MYO3A: variants seen among roughly 807,000 people sequenced by gnomAD.
MYO3A encodes the protein myosin-IIIa.
A neutral mutation model predicts 192.7 loss-of-function variants in MYO3A; 180 were observed. That is an observed-to-expected ratio of 0.93 (90% CI 0.83 to 1.06). MYO3A has a LOEUF of 1.06. MYO3A is among the 50% of genes least tolerant of loss of function. The pLI is 0.00. For missense variants in MYO3A, 1,896 were observed against 1,905.0 expected (o/e 1.00, Z 0.09); for synonymous variants, 628 against 645.3 (o/e 0.97, Z 0.41).
At chr10:26,182,490 GA>G (rs1463683486) in intron 31 of MYO3A, among the ~76,000 whole-genome samples, 1 of 152,018 alleles carries the variant, frequency 6.6e-6, no homozygotes, top group African/African-American at 2.4e-5. Flanking sequence ...CGGAGGGAAA[GA>G]AAAAAACAAA....
intron 14 of MYO3A, among the ~76,000 whole-genome samples, chr10:26,082,546 C>T (rs182527668): frequency 6.6e-6 from 1 of 152,282 alleles, no homozygotes; most frequent in African/African-American, 2.4e-5. Flanking sequence ...ACTTACCCCA[C>T]AGGGGATATG....
chr10:26,212,009 C>T lies in MYO3A; in HGVS notation c.*46C>T. On this transcript the variant is annotated 3_prime_UTR_variant, in exon 35 of 35. Transcript: ENST00000642920. ...CGCCGTCGGAAGGCGCTGGAGCCTG[C>T]GGGGCAGCAGGGGCCAAGCAGGCAC... 2 of 1,597,734 alleles carry T rather than the reference C, an allele frequency of 1.3e-6. No homozygotes were observed. Among genetic ancestry groups the T allele is most frequent in the Non-Finnish European group, 1.7e-6 (2 of 1,169,242 alleles).
intron 15 of MYO3A, among the ~76,000 whole-genome samples, chr10:26,091,001 A>G (rs116034592): frequency 6.6e-6 from 1 of 152,148 alleles, no homozygotes; most frequent in Admixed American, 6.5e-5. Flanking sequence ...GAGCAAGGGG[A>G]TAACATCCCA....
chr10:26,023,245 G>C (rs187699502), intron 8 of MYO3A: 1 of 152,312 alleles, frequency 6.6e-6, no homozygotes, highest in East Asian at 1.9e-4. Context: ...TATTTAAGGA[G>C]TAATGCAGAA....
At chr10:26,205,236 T>C (rs1182987602) in intron 34 of MYO3A, among the ~76,000 whole-genome samples, 1 of 152,172 alleles carries the variant, frequency 6.6e-6, no homozygotes, top group Non-Finnish European at 1.5e-5. Context: ...ATGAATTACC[T>C]CACTTAGCTA....
At chr10:26,204,576 G>A (rs1843823909) in intron 34 of MYO3A, 1 of 152,240 alleles carries the variant, frequency 6.6e-6, no homozygotes. Flanking sequence ...GCACGAGGCA[G>A]TTACTATTAT....
At position 25,964,477 on chromosome 10, in the gene MYO3A, A is replaced by G. The variant is rs181423951; in HGVS notation, c.303+9469A>G. On this transcript the variant is annotated intron_variant, in intron 4 of 34. Transcript: ENST00000642920. ...ACAAACAAGCAAAAATAAAACTAAT[A>G]AAAACTCACCTTAGCTTAGCTTTGT... Among the ~76,000 whole-genome samples the G allele has an allele frequency of 2.8e-3, 425 of 152,328 alleles. 5 individuals carry two copies. The highest frequency in any genetic ancestry group is 0.021 in the Admixed American group (322 of 15,304).
rs146511800 is a variant in MYO3A at position 25,954,875 on chromosome 10, A to C, written c.170A>C (p.Asp57Ala). ...ATTCTTATGACTTTTTGAAACTAGG[A>C]TATTGACGAAGAGATTGAAGCAGAA... ...AAVKILDPIH[D>A]IDEEIEAEYN... The change falls in exon 4 of 35, where the codon GAT becomes GCT. Residue 57 changes from aspartate (D) to alanine (A), a missense_variant and splice_region_variant. By Grantham distance (126) the Asp-to-Ala change is moderately radical. Transcript: ENST00000642920. 1.1e-3 allele frequency: 1,804 copies of C among 1,611,934 alleles called. 3 individuals carry two copies. Among genetic ancestry groups the C allele is most frequent in the Non-Finnish European group, 1.4e-3 (1,619 of 1,178,544 alleles).
chr10:25,951,822 C>T (rs1837224726), intron 2 of MYO3A, among the ~76,000 whole-genome samples: 1 of 152,076 alleles, frequency 6.6e-6, no homozygotes, highest in Non-Finnish European at 1.5e-5. Context: ...AAATATGCCT[C>T]TTATTTTAAT....
chr10:26,205,157 TGTG>T (rs1843854920), intron 34 of MYO3A, among the ~76,000 whole-genome samples: 1 of 152,160 alleles, frequency 6.6e-6, no homozygotes. Context: ...TGTATAAACT[TGTG>T]GTATAGAACA....
chr10:26,201,795 A>T (rs866315643), intron 33 of MYO3A, among the ~76,000 whole-genome samples: 1 of 152,212 alleles, frequency 6.6e-6, no homozygotes, highest in Admixed American at 6.5e-5. Context: ...AATTTATAAG[A>T]TCCTGCCTAC....
At chr10:26,192,859 T>C (rs944968228) in intron 31 of MYO3A, among the ~76,000 whole-genome samples, 2 of 152,100 alleles carry the variant, frequency 1.3e-5, no homozygotes, top group Admixed American at 6.6e-5. Flanking sequence ...TTTCATCAGT[T>C]GGCCAGGCTG....
At chr10:25,978,894 T>C (rs1370624334) in intron 4 of MYO3A, among the ~76,000 whole-genome samples, 1 of 152,222 alleles carries the variant, frequency 6.6e-6, no homozygotes, top group Admixed American at 6.5e-5. Context: ...CTATTGTTGC[T>C]AGTGGTAATT....
chr10:26,027,582 T>C (rs1442464847), intron 10 of MYO3A, among the ~76,000 whole-genome samples: 2 of 152,172 alleles, frequency 1.3e-5, no homozygotes, highest in Non-Finnish European at 2.9e-5. Context: ...TGAACTCAAG[T>C]GATCCACCTG....
chr10:26,107,790 A>T (rs1409818223), intron 17 of MYO3A, among the ~76,000 whole-genome samples: 1 of 151,962 alleles, frequency 6.6e-6, no homozygotes, highest in African/African-American at 2.4e-5. Context: ...TGGGTTTACA[A>T]GGGGGTTTCG....
intron 23 of MYO3A, among the ~76,000 whole-genome samples, chr10:26,151,172 A>G (rs981165865): frequency 6.6e-6 from 1 of 152,154 alleles, no homozygotes; most frequent in Admixed American, 6.5e-5. Flanking sequence ...AATGTTCCAT[A>G]AATGTCAATT....
intron 4 of MYO3A, among the ~76,000 whole-genome samples, chr10:25,963,152 A>G (rs1838046352): frequency 6.6e-6 from 1 of 152,192 alleles, no homozygotes. Flanking sequence ...ATTGCTCCCC[A>G]ATTATAGCAA....
chr10:26,209,518 C>G (rs1340874648), intron 34 of MYO3A, among the ~76,000 whole-genome samples: 1 of 152,182 alleles, frequency 6.6e-6, no homozygotes, highest in Admixed American at 6.5e-5. Context: ...GGTCAGGTTT[C>G]CTCTCCCAGC....
intron 4 of MYO3A, among the ~76,000 whole-genome samples, chr10:25,968,297 T>G (rs1838386545): frequency 6.6e-6 from 1 of 152,222 alleles, no homozygotes; most frequent in African/African-American, 2.4e-5. Context: ...AATTCTGTAT[T>G]CAGTGAAAAT....
Sources: gnomAD v4.1 joint callset for allele counts (sites outside exome capture counted in the v4.1 genomes callset) on GRCh38, gnomAD v4.1.1 for gene constraint, MANE v1.5 for transcripts, NCBI Gene and HGNC (gene_info 2026-07-23, HGNC 2026-07-21) for gene names.